MTHFD1L: variants seen among roughly 807,000 people sequenced by gnomAD.
The protein encoded by MTHFD1L is methylenetetrahydrofolate dehydrogenase (NADP+ dependent) 1 like.
Under a neutral mutation model 119.5 loss-of-function variants are expected in MTHFD1L, and 81 were observed. The ratio of observed to expected loss-of-function variants is 0.68; its 90% confidence interval spans 0.57 to 0.82. MTHFD1L has a LOEUF of 0.82. Ranked by LOEUF, MTHFD1L falls within the 40% of genes least tolerant of loss-of-function variation. MTHFD1L has a pLI of 0.00. For synonymous variants in MTHFD1L, 430 were observed against 475.2 expected (o/e 0.90, Z 1.24); for missense variants, 1,125 against 1,253.4 (o/e 0.90, Z 1.55).
intron 26 of MTHFD1L, among the ~76,000 whole-genome samples, chr6:151,085,023 A>G (rs533910139): frequency 5.2e-4 from 67 of 128,648 alleles, no homozygotes; most frequent in African/African-American, 2.0e-3. Context: ...TTATATATGT[A>G]TATACACACA....
chr6:151,051,699 G>T (rs1789068339), intron 26 of MTHFD1L, among the ~76,000 whole-genome samples: 1 of 152,216 alleles, frequency 6.6e-6, no homozygotes, highest in Non-Finnish European at 1.5e-5. Flanking sequence ...AACACCTGGA[G>T]AATTAAAGCA....
Position 151,009,680 on chromosome 6 carries a change from T to C in MTHFD1L, c.2126-139T>C, listed in dbSNP as rs113062858. 2.9e-4 allele frequency: 285 copies of C among 993,994 alleles called. 1 individual carries two copies. Among genetic ancestry groups the C allele is most frequent in the Middle Eastern group, 9.2e-4 (3 of 3,276 alleles). The allele number at this position is 993,994 out of a possible 1,614,324, so 61.6% of individuals were successfully genotyped here. A position where few individuals can be genotyped will look rare whatever the true frequency, so the allele number is the denominator to read the frequency against. ...AAAGTGAAGAACATTTCTATGACAA[T>C]GGGGAAATCAGTTCACCTTTGTGTT... On this transcript the variant is annotated intron_variant, in intron 20 of 27. Transcript: ENST00000367321.
chr6:151,046,471 G>GTATA (rs1156377344), intron 26 of MTHFD1L, among the ~76,000 whole-genome samples: 508 of 36,202 alleles, frequency 0.014, 7 homozygotes, highest in Admixed American at 0.022. Flanking sequence ...ATGTGTGTGT[G>GTATA]TATATATATA....
At chr6:150,905,499 G>T (rs1028032209) in intron 7 of MTHFD1L, 151 bp from the exon 8 acceptor site, 3 of 614,958 alleles carry the variant, frequency 4.9e-6, no homozygotes, top group Non-Finnish European at 5.9e-6. Flanking sequence ...ATACATGCTT[G>T]AAAGGAATTA....
At position 150,921,501 on chromosome 6, in the gene MTHFD1L, C is replaced by G. The variant is rs191977487; in HGVS notation, c.985-704C>G. On this transcript the variant is annotated intron_variant, in intron 9 of 27. Coordinates refer to ENST00000367321, the MANE Select transcript of MTHFD1L (RefSeq NM_015440.5). ...TCCTGACCTCAAGTGATCTGCCCAC[C>G]TCGGCCTCCCAAAGTGCTGGGATTA... 1.6e-4 allele frequency among the ~76,000 whole-genome samples: 25 copies of G among 152,292 alleles called. No individual in the cohort carries two copies. The East Asian group carries it at 4.6e-3, about 28-fold the overall frequency.
chr6:150,915,870 C>T (rs952842499), intron 8 of MTHFD1L, among the ~76,000 whole-genome samples: 5 of 152,296 alleles, frequency 3.3e-5, no homozygotes, highest in Non-Finnish European at 5.9e-5. Context: ...TCCCAAAGTG[C>T]TGGGATTACA....
In MTHFD1L at chr6:150,926,015, A is replaced by G; in HGVS notation, c.1083-107A>G. On this transcript the variant is annotated intron_variant, in intron 10 of 27. Coordinates refer to ENST00000367321, the MANE Select transcript of MTHFD1L (RefSeq NM_015440.5). The surrounding 1 kb of genome is among the most constrained non-coding windows in gnomAD (Gnocchi z 4.3). ...TGCCTGGGAGAAAGGACCCCAAAGT[A>G]ATTGCATTGATTTCATCGTTGGCGT... 1.1e-6 allele frequency: 1 copy of G among 904,386 alleles called. No homozygotes were observed. Among genetic ancestry groups the G allele is most frequent in the Non-Finnish European group, 1.7e-6 (1 of 602,498 alleles). The allele number at this position is 904,386 out of a possible 1,614,324, so 56.0% of individuals were successfully genotyped here.
intron 26 of MTHFD1L, chr6:151,057,288 G>C: frequency 5.1e-6 from 5 of 985,342 alleles, no homozygotes; most frequent in Non-Finnish European, 6.0e-6. Flanking sequence ...TTTCTGGAAT[G>C]GACATATGGA....
At chr6:151,081,498 C>CAAAAAAAAAAAAAAA (rs56795003) in intron 26 of MTHFD1L, among the ~76,000 whole-genome samples, 2 of 98,186 alleles carry the variant, frequency 2.0e-5, no homozygotes, top group Non-Finnish European at 4.0e-5. Flanking sequence ...ACTAAAAATG[C>CAAAAAAAAAAAAAAA]AAAAAAAAAA....
At chr6:151,013,983 C>T (rs1213230678) in intron 22 of MTHFD1L, among the ~76,000 whole-genome samples, 163 bp downstream of exon 22, 5 of 152,122 alleles carry the variant, frequency 3.3e-5, no homozygotes, top group Non-Finnish European at 7.3e-5. Flanking sequence ...GAGGCCAAGG[C>T]GACCGGATCA....
At chr6:150,998,927 T>C (rs1780204302) in intron 20 of MTHFD1L, among the ~76,000 whole-genome samples, 1 of 150,814 alleles carries the variant, frequency 6.6e-6, no homozygotes, top group African/African-American at 2.4e-5. Context: ...TGGCAGAGGT[T>C]GCAGTGAGCC....
At chr6:150,954,902 A>C (rs1424424357) in intron 16 of MTHFD1L, among the ~76,000 whole-genome samples, 3 of 152,078 alleles carry the variant, frequency 2.0e-5, no homozygotes, top group African/African-American at 7.2e-5. Context: ...CACCACACCC[A>C]GCCAATAACT....
intron 1 of MTHFD1L, among the ~76,000 whole-genome samples, chr6:150,870,888 GC>G (rs1779306983): frequency 6.7e-6 from 1 of 150,192 alleles, no homozygotes; most frequent in East Asian, 2.0e-4. Context: ...CTACACTCCA[GC>G]CTGGGAAACA....
chr6:150,949,054 T>C lies in MTHFD1L; in HGVS notation c.1647T>C (p.Asp549=), dbSNP rs776172188. 2 of 1,613,968 alleles carry C rather than the reference T, an allele frequency of 1.2e-6. No individual in the cohort carries two copies. Among genetic ancestry groups the C allele is most frequent in the Non-Finnish European group, 1.7e-6 (2 of 1,179,938 alleles). The change falls in exon 16 of 28, where the codon GAT becomes GAC. Residue 549 remains aspartate, a synonymous_variant. Transcript: ENST00000367321. The part of the protein sequence containing the change: ...RLKKLGINKT[D]PSTLTEEEVS... Reference sequence around the variant, plus strand: ...AGAAACTGGGAATAAATAAGACTGATCCGAGCACACTGACAGAAGAGGAAG... The same window carrying C: ...AGAAACTGGGAATAAATAAGACTGACCCGAGCACACTGACAGAAGAGGAAG...
At chr6:151,028,987 C>A (rs2128519449) in intron 24 of MTHFD1L, among the ~76,000 whole-genome samples, 1 of 152,208 alleles carries the variant, frequency 6.6e-6, no homozygotes, top group Non-Finnish European at 1.5e-5. Flanking sequence ...AAGAGGATCA[C>A]TTGAGCCCAG....
At chr6:151,094,602 G>A (rs1343465742) in intron 27 of MTHFD1L, among the ~76,000 whole-genome samples, 3 of 152,028 alleles carry the variant, frequency 2.0e-5, no homozygotes, top group Admixed American at 6.6e-5. Flanking sequence ...GGAGTGCAGC[G>A]GCACTGTGTG....
chr6:150,902,179 T>G (rs1451515183), intron 7 of MTHFD1L, among the ~76,000 whole-genome samples: 1 of 152,228 alleles, frequency 6.6e-6, no homozygotes, highest in Non-Finnish European at 1.5e-5. Context: ...CCAAATCTCA[T>G]CTGTCCTCCC....
At chr6:150,943,378 C>A (rs199608451) in intron 13 of MTHFD1L, among the ~76,000 whole-genome samples, 1 of 152,246 alleles carries the variant, frequency 6.6e-6, no homozygotes, top group South Asian at 2.1e-4. Context: ...TGCCTGGAAT[C>A]CTAGCACTTT....
intron 7 of MTHFD1L, among the ~76,000 whole-genome samples, chr6:150,894,189 T>C (rs1390468615): frequency 6.6e-6 from 1 of 151,682 alleles, no homozygotes; most frequent in Admixed American, 6.6e-5. Flanking sequence ...TGAGCTGAGA[T>C]TGCACCACCG....
Sources: allele counts gnomAD v4.1 joint callset (sites outside exome capture counted in the v4.1 genomes callset), GRCh38; gene constraint gnomAD v4.1.1; non-coding constraint Gnocchi (gnomAD v3.1); transcripts MANE v1.5; gene names NCBI Gene and HGNC (gene_info 2026-07-23, HGNC 2026-07-21).